SAMD12: variants seen among roughly 807,000 people sequenced by gnomAD.
SAMD12 encodes sterile alpha motif domain-containing protein 12.
SAMD12 carries 9 observed loss-of-function variants against 15.0 expected under a neutral mutation model. The ratio of observed to expected loss-of-function variants is 0.60; its 90% confidence interval spans 0.36 to 1.05. SAMD12 has a LOEUF of 1.05. SAMD12 is among the 50% of genes least tolerant of loss of function. SAMD12 has a pLI of 0.01. For synonymous variants in SAMD12, 86 were observed against 90.1 expected (o/e 0.96, Z 0.25); for missense variants, 230 against 234.2 (o/e 0.98, Z 0.12).
intron 2 of SAMD12, among the ~76,000 whole-genome samples, chr8:118,545,451 G>C (rs566342089): frequency 8.5e-5 from 13 of 152,268 alleles, no homozygotes; most frequent in African/African-American, 3.1e-4. Flanking sequence ...TGGGTGACAA[G>C]AGTGAGAGTC....
At chr8:118,351,320 G>A (rs756385028) in intron 4 of SAMD12, among the ~76,000 whole-genome samples, 4 of 152,190 alleles carry the variant, frequency 2.6e-5, no homozygotes, top group Non-Finnish European at 4.4e-5. Flanking sequence ...GCCTACAGTT[G>A]TTGCTGATTA....
intron 4 of SAMD12, among the ~76,000 whole-genome samples, chr8:118,319,069 A>C (rs956334924): frequency 6.6e-6 from 1 of 152,106 alleles, no homozygotes; most frequent in African/African-American, 2.4e-5. Context: ...GTAAAAACAC[A>C]CCTCAGCCAT....
intron 4 of SAMD12, among the ~76,000 whole-genome samples, chr8:118,309,380 A>AAGTGTGTG (rs1554628155): frequency 6.9e-6 from 1 of 143,896 alleles, no homozygotes; most frequent in Non-Finnish European, 1.5e-5. Flanking sequence ...TGAGATATAT[A>AAGTGTGTG]TGTGTGTGTG....
chr8:118,364,159 T>G (rs1818646191), intron 4 of SAMD12, among the ~76,000 whole-genome samples: 1 of 152,182 alleles, frequency 6.6e-6, no homozygotes, highest in African/African-American at 2.4e-5. Flanking sequence ...CAGGAGGTAG[T>G]ACCATGATAA....
At chr8:118,289,154 T>C (rs1366062316) in intron 4 of SAMD12, among the ~76,000 whole-genome samples, 1 of 152,192 alleles carries the variant, frequency 6.6e-6, no homozygotes, top group African/African-American at 2.4e-5. Flanking sequence ...AAGACAGTCA[T>C]CTCAGCAGTT....
At chr8:118,451,246 T>C (rs560898226) in intron 2 of SAMD12, among the ~76,000 whole-genome samples, 1 of 152,302 alleles carries the variant, frequency 6.6e-6, no homozygotes, top group East Asian at 1.9e-4. Flanking sequence ...ACAATATGGA[T>C]TAGAGATGCG....
At chr8:118,235,430 C>T (rs1177947788) in intron 4 of SAMD12, among the ~76,000 whole-genome samples, 2 of 151,930 alleles carry the variant, frequency 1.3e-5, no homozygotes, top group Non-Finnish European at 2.9e-5. Context: ...AGGATGGTCT[C>T]GATCTCTTGA....
chr8:118,518,867 C>T (rs933149128), intron 2 of SAMD12, among the ~76,000 whole-genome samples: 29 of 152,162 alleles, frequency 1.9e-4, no homozygotes, highest in African/African-American at 6.8e-4. Context: ...ATTTCCCCAG[C>T]GTCAGGCACC....
intron 2 of SAMD12, among the ~76,000 whole-genome samples, chr8:118,536,881 G>A (rs898327504): frequency 7.2e-5 from 11 of 152,102 alleles, no homozygotes; most frequent in African/African-American, 2.4e-5. Context: ...ATCTTCAGAC[G>A]ATTTCTTATT....
intron 4 of SAMD12, among the ~76,000 whole-genome samples, chr8:118,262,273 C>T (rs967591120): frequency 1.3e-5 from 2 of 151,994 alleles, no homozygotes; most frequent in East Asian, 1.9e-4. Context: ...GAGACCAAGT[C>T]ACTTAGTTTT....
intron 3 of SAMD12, among the ~76,000 whole-genome samples, chr8:118,418,996 A>G (rs1213149756): frequency 1.3e-5 from 2 of 152,182 alleles, no homozygotes; most frequent in African/African-American, 4.8e-5. Context: ...CTTCCACATT[A>G]ATAAGGAATG....
chr8:118,503,920 G>A (rs62531885), intron 2 of SAMD12, among the ~76,000 whole-genome samples: 1 of 152,160 alleles, frequency 6.6e-6, no homozygotes, highest in African/African-American at 2.4e-5. Flanking sequence ...TTGAGTAGGG[G>A]TCATACCTCA....
chr8:118,168,316 C>T, the SAMD12 span, among the ~76,000 whole-genome samples: 164 of 152,228 alleles, frequency 1.1e-3, 1 homozygote, highest in African/African-American at 3.9e-3. Flanking sequence ...CTTATTCCCC[C>T]ATCTCCCTCC....
chr8:118,345,597 A>G (rs145466602), intron 4 of SAMD12, among the ~76,000 whole-genome samples: 1 of 152,384 alleles, frequency 6.6e-6, no homozygotes, highest in African/African-American at 2.4e-5. Flanking sequence ...ATGATGCAGC[A>G]TAAGCGTGGG....
intron 4 of SAMD12, among the ~76,000 whole-genome samples, chr8:118,210,734 A>G (rs933110698): frequency 3.9e-5 from 6 of 152,198 alleles, no homozygotes; most frequent in Admixed American, 6.5e-5. Flanking sequence ...CCTTGTTTAC[A>G]TGGTCTCTAC....
chr8:118,487,082 G>A (rs759732225), intron 2 of SAMD12, among the ~76,000 whole-genome samples: 4 of 152,174 alleles, frequency 2.6e-5, no homozygotes, highest in Admixed American at 2.0e-4. Context: ...GGGCAAAGAC[G>A]GGTGCAGAGT....
chr8:118,433,950 C>G (rs73708490), intron 3 of SAMD12, among the ~76,000 whole-genome samples: 3,416 of 152,256 alleles, frequency 0.022, 132 homozygotes, highest in African/African-American at 0.079. Context: ...CCTTTTGACA[C>G]TTGTTAGCTA....
At chr8:118,519,248 C>A (rs1468478824) in intron 2 of SAMD12, among the ~76,000 whole-genome samples, 2 of 152,206 alleles carry the variant, frequency 1.3e-5, no homozygotes, top group Admixed American at 1.3e-4. Context: ...TCTGCCCTCC[C>A]ACCTAGGGGG....
At chr8:118,601,921 T>C (rs1056093720) in intron 1 of SAMD12, among the ~76,000 whole-genome samples, 1 of 152,128 alleles carries the variant, frequency 6.6e-6, no homozygotes, top group Non-Finnish European at 1.5e-5. Flanking sequence ...AAAAGACCTA[T>C]TCAGCAGAAA....
Sources: allele counts gnomAD v4.1 joint callset (sites outside exome capture counted in the v4.1 genomes callset), GRCh38; gene constraint gnomAD v4.1.1; transcripts MANE v1.5; gene names NCBI Gene and HGNC (gene_info 2026-07-23, HGNC 2026-07-21).